LAMA2: variants seen among roughly 807,000 people sequenced by gnomAD.
LAMA2 encodes the protein laminin subunit alpha 2, also known as laminin subunit alpha-2.
LAMA2 carries 269 observed loss-of-function variants against 364.8 expected under a neutral mutation model. The ratio of observed to expected loss-of-function variants is 0.74; its 90% CI spans 0.67 to 0.82. The LOEUF (loss-of-function observed/expected upper bound fraction) is 0.82, where lower values mean the gene tolerates loss of function less well. LAMA2 is among the 40% of genes least tolerant of loss of function. LAMA2 has a pLI of 0.00. For missense variants in LAMA2, 3,807 were observed against 3,873.2 expected, an observed-to-expected ratio of 0.98 and a Z score of 0.45; for synonymous variants, 1,379 against 1,370.6, an observed-to-expected ratio of 1.01 and a Z score of -0.14.
chr6:129,182,095 A>T (rs1400600154), intron 10 of LAMA2, among the ~76,000 whole-genome samples: 2 of 151,904 alleles, frequency 1.3e-5, no homozygotes, highest in Non-Finnish European at 2.9e-5. Context: ...GTCAGTGACA[A>T]GCAAATAAAA....
chr6:128,929,558 A>G, intron 1 of LAMA2: 1 of 1,010,288 alleles, frequency 9.9e-7, no homozygotes, highest in Middle Eastern at 2.1e-4. Context: ...TTATCTCCAT[A>G]GTCATGAGAC....
intron 12 of LAMA2, among the ~76,000 whole-genome samples, chr6:129,212,489 G>C (rs1783167611): frequency 6.6e-6 from 1 of 152,076 alleles, no homozygotes; most frequent in Non-Finnish European, 1.5e-5. Context: ...ATGGAATGTG[G>C]AAACTGAGAC....
intron 18 of LAMA2, among the ~76,000 whole-genome samples, chr6:129,284,653 G>A (rs572201831): frequency 6.6e-6 from 1 of 152,192 alleles, no homozygotes; most frequent in Admixed American, 6.5e-5. Flanking sequence ...AAAAGTTGCT[G>A]AAAAAATGAT....
intron 14 of LAMA2, among the ~76,000 whole-genome samples, chr6:129,258,926 G>A (rs1319959231): frequency 6.6e-6 from 1 of 152,034 alleles, no homozygotes; most frequent in East Asian, 1.9e-4. Context: ...TCCAAGATGT[G>A]CCCCTAGAGA....
intron 20 of LAMA2, chr6:129,292,682 A>C (rs935728847): frequency 1.2e-4 from 46 of 388,676 alleles, no homozygotes; most frequent in African/African-American, 9.6e-4. Context: ...AGAAGCAAGC[A>C]TTTCTCCGAT....
Position 129,441,123 on chromosome 6 carries a change from T to C in LAMA2, c.6268+125T>C, listed in dbSNP as rs2114766216. 7.2e-6 allele frequency: 6 copies of C among 835,214 alleles called. No individual in the cohort carries two copies. In the South Asian group the frequency reaches 8.6e-5, roughly 12 times the overall value. 51.7% of individuals were successfully genotyped at this position (835,214 alleles called of 1,614,324 possible). A position where few individuals can be genotyped will look rare whatever the true frequency, so the allele number is the denominator to read the frequency against. On this transcript the variant is annotated intron_variant, in intron 43 of 64. Transcript: ENST00000421865. ...GGTGTAGTCTGCCTTCCTTCTTTCA[T>C]AGATTGGCCTCAGAAATTGAGTGTC... is the stretch of plus-strand genomic sequence containing the variant.
intron 3 of LAMA2, among the ~76,000 whole-genome samples, chr6:129,061,414 G>C (rs11154464): frequency 0.29 from 43,334 of 152,006 alleles, 6,551 homozygotes; most frequent in African/African-American, 0.39. Flanking sequence ...TCTTTGAGCT[G>C]AACAGCAATA....
intron 42 of LAMA2, 71 bp downstream of exon 42, chr6:129,438,833 AT>A (rs1273995875): frequency 3.7e-6 from 3 of 818,690 alleles, no homozygotes; most frequent in African/African-American, 1.7e-5. Flanking sequence ...AACTTTTACC[AT>A]TTTTTTCTAA....
intron 30 of LAMA2, among the ~76,000 whole-genome samples, chr6:129,348,613 T>A (rs1411381565): frequency 6.6e-6 from 1 of 152,044 alleles, no homozygotes; most frequent in Non-Finnish European, 1.5e-5. Context: ...CTGGCTGTGG[T>A]CTACCAGCAT....
At chr6:129,145,176 C>T (rs1778362270) in intron 5 of LAMA2, among the ~76,000 whole-genome samples, 1 of 151,998 alleles carries the variant, frequency 6.6e-6, no homozygotes, top group South Asian at 2.1e-4. Flanking sequence ...CCACCGTCAT[C>T]GGTTGCAAAA....
intron 45 of LAMA2, among the ~76,000 whole-genome samples, chr6:129,448,302 GA>G (rs1380888191): frequency 1.3e-5 from 2 of 151,522 alleles, no homozygotes; most frequent in African/African-American, 4.9e-5. Flanking sequence ...AAAAAGAGAA[GA>G]AAAAAAGAAA....
At chr6:129,411,736 C>T (rs1386114555) in intron 40 of LAMA2, among the ~76,000 whole-genome samples, 1 of 152,120 alleles carries the variant, frequency 6.6e-6, no homozygotes, top group African/African-American at 2.4e-5. Context: ...TATAAATACA[C>T]TTCATTCACT....
chr6:129,219,980 TA>T (rs1430706848), intron 12 of LAMA2, among the ~76,000 whole-genome samples: 8 of 151,576 alleles, frequency 5.3e-5, no homozygotes, highest in African/African-American at 1.9e-4. Context: ...AATAATAAAA[TA>T]AAAATAAAAT....
In LAMA2 at chr6:129,453,078, G is replaced by A. The variant is rs566853691; in HGVS notation, c.6520G>A (p.Val2174Ile). Residue 2174 changes from valine (V) to isoleucine (I), a missense_variant, in exon 46 of 65, where the codon GTA becomes ATA. Around this residue, in one of 3 missense-constraint regions of LAMA2, gnomAD observed 3,333 missense variants for 3,345.7 expected, o/e 1.00. Coordinates refer to ENST00000421865, the MANE Select transcript of LAMA2 (RefSeq NM_000426.4). ...AAGTTACAATAATATTGTTGTCAAC[G>A]TAAAGACAGCTGTTGCTGATAACCT... ...KGSYNNIVVNVKTAVADNLLF... is the reference protein window; with the variant it reads ...KGSYNNIVVNIKTAVADNLLF... The A allele has an allele frequency of 1.5e-5, 24 of 1,612,956 alleles. No homozygotes were observed. Among genetic ancestry groups the A allele is most frequent in the South Asian group, 1.3e-4 (12 of 91,060 alleles).
Position 129,083,583 on chromosome 6 carries a change from GAATTA to G in LAMA2, c.397-14589_397-14585del, listed in dbSNP as rs1774194707. On this transcript the variant is annotated intron_variant, in intron 3 of 64. Transcript: ENST00000421865. The stretch of plus-strand genomic sequence containing the variant: ...CCAAATCAAATGACTGTTGATGGGG[GAATTA>G]TAAGAATAGATGGGAGTGAAGACCC... Among the ~76,000 whole-genome samples the G allele has an allele frequency of 2.0e-5, 3 of 152,260 alleles. No homozygotes were observed. The South Asian group carries it at 6.2e-4, about 32-fold the overall frequency.
chr6:129,125,611 T>G (rs916623062), intron 4 of LAMA2, among the ~76,000 whole-genome samples: 1 of 152,182 alleles, frequency 6.6e-6, no homozygotes, highest in African/African-American at 2.4e-5. Context: ...TGCTTAGACC[T>G]TGATGTGATG....
chr6:129,014,963 C>T (rs182051351), intron 1 of LAMA2, among the ~76,000 whole-genome samples: 178 of 151,962 alleles, frequency 1.2e-3, no homozygotes, highest in African/African-American at 4.1e-3. Flanking sequence ...AACTATTTAG[C>T]CTTAGAGCTT....
chr6:129,247,173 A>G (rs1785807980), intron 12 of LAMA2, among the ~76,000 whole-genome samples: 1 of 152,134 alleles, frequency 6.6e-6, no homozygotes, highest in South Asian at 2.1e-4. Context: ...TAAGAGCCTG[A>G]GCGTGGTGGC....
At chr6:128,976,656 TGAAAG>T (rs1234539327) in intron 1 of LAMA2, among the ~76,000 whole-genome samples, 1 of 152,232 alleles carries the variant, frequency 6.6e-6, no homozygotes, top group Non-Finnish European at 1.5e-5. Flanking sequence ...ATGTCACTAA[TGAAAG>T]GAGTGTGAAG....
Sources: allele counts gnomAD v4.1 joint callset (sites outside exome capture counted in the v4.1 genomes callset), GRCh38; gene constraint gnomAD v4.1.1; regional missense constraint gnomAD v4.1.1; transcripts MANE v1.5; gene names NCBI Gene and HGNC (gene_info 2026-07-23, HGNC 2026-07-21).